Variants in ALDH1L1 observed in about 807,000 individuals in gnomAD.
The protein encoded by ALDH1L1 is aldehyde dehydrogenase 1 family member L1.
In ALDH1L1, 68 loss-of-function variants were observed where a neutral mutation model predicts 101.1. That is an observed-to-expected ratio of 0.67 (90% confidence interval 0.55 to 0.82). ALDH1L1 has a LOEUF of 0.82. ALDH1L1 is among the 40% of genes least tolerant of loss of function. The pLI, the probability that ALDH1L1 is intolerant of heterozygous loss-of-function variation, is 0.00. For missense variants in ALDH1L1, 1,087 were observed against 1,172.7 expected (o/e 0.93, Z 1.07); for synonymous variants, 486 against 470.8 (o/e 1.03, Z -0.42).
chr3:126,155,436 G>A lies in ALDH1L1; in HGVS notation c.596C>T (p.Thr199Ile), dbSNP rs781086978. The A allele has an allele frequency of 2.0e-5, 33 of 1,613,188 alleles. No homozygotes were observed. Among genetic ancestry groups the A allele is most frequent in the East Asian group, 1.6e-4 (7 of 44,848 alleles). ...CTCCTTCTTCTGAATCCCCTCATAG[G>A]TGGCTCCTTCCTCAGGCTGAGGGAG... ...PRLPQPEEGATYEGIQKKETA... is the reference protein window; with the variant it reads ...PRLPQPEEGAIYEGIQKKETA... The change falls in exon 5 of 23, where the codon ACC becomes ATC. Residue 199 changes from threonine to isoleucine, a missense_variant. Physicochemically the swap from Thr to Ile is moderately conservative, Grantham distance 89. Coordinates refer to ENST00000393434, the MANE Select transcript of ALDH1L1 (RefSeq NM_012190.4).
chr3:126,163,667 G>A (rs1428833151), intron 1 of ALDH1L1, among the ~76,000 whole-genome samples: 1 of 152,104 alleles, frequency 6.6e-6, no homozygotes, highest in Non-Finnish European at 1.5e-5. Flanking sequence ...TCTTCCTATA[G>A]GTCATGAGAT....
chr3:126,117,786 T>A (rs2080000559), intron 17 of ALDH1L1, among the ~76,000 whole-genome samples: 1 of 152,236 alleles, frequency 6.6e-6, no homozygotes. Flanking sequence ...TCCAGCCCCT[T>A]GCTGGTCTGA....
intron 22 of ALDH1L1, chr3:126,105,419 ACTC>A (rs1945830377): frequency 2.2e-5 from 9 of 404,616 alleles, no homozygotes; most frequent in South Asian, 2.0e-4. Flanking sequence ...TTCATGGCCA[ACTC>A]CTCCCTGCTA....
At chr3:126,147,810 A>G (rs563720728) in intron 8 of ALDH1L1, among the ~76,000 whole-genome samples, 162 of 152,232 alleles carry the variant, frequency 1.1e-3, no homozygotes, top group Non-Finnish European at 2.0e-3. Flanking sequence ...TTTCTTGGAA[A>G]AATGTCATGG....
chr3:126,115,826 C>T lies in ALDH1L1; in HGVS notation c.1983-1170G>A, dbSNP rs573877469. 1.1e-4 allele frequency among the ~76,000 whole-genome samples: 17 copies of T among 151,948 alleles called. No homozygotes were observed. In the South Asian group the frequency reaches 1.9e-3, roughly 17 times the overall value. On this transcript the variant is annotated intron_variant, in intron 17 of 22. Coordinates refer to ENST00000393434, the MANE Select transcript of ALDH1L1 (RefSeq NM_012190.4). ...CTGACCTCAGGTGATCTGCCCACCT[C>T]GGCCTCCCAAAATGCTGGGATTACA...
intron 4 of ALDH1L1, chr3:126,156,694 T>C (rs1464690060): frequency 3.3e-5 from 5 of 152,224 alleles, no homozygotes; most frequent in Non-Finnish European, 5.9e-5. Context: ...GCTCAGGCCA[T>C]GTGACCACAG....
intron 6 of ALDH1L1, 137 bp from the exon 7 acceptor site, chr3:126,153,718 A>G: frequency 8.8e-7 from 1 of 1,140,440 alleles, no homozygotes; most frequent in South Asian, 1.6e-5. Flanking sequence ...CTCAAAGCCC[A>G]TGTGACCCCT....
rs188547986 is a variant in ALDH1L1 at position 126,107,054 on chromosome 3, G to A, written c.2453+87C>T. ...GCCTGAGTTCTCCTCCTGACTGCCCGTAGACTACCTCCCAAAGCCCACATG... is the reference window on the plus strand; with the variant it reads ...GCCTGAGTTCTCCTCCTGACTGCCCATAGACTACCTCCCAAAGCCCACATG... On this transcript the variant is annotated intron_variant, in intron 21 of 22. Coordinates refer to ENST00000393434, the MANE Select transcript of ALDH1L1 (RefSeq NM_012190.4). 2.8e-5 allele frequency: 36 copies of A among 1,264,062 alleles called. No homozygotes were observed. The East Asian group carries it at 3.3e-4, about 11-fold the overall frequency. The allele number at this position is 1,264,062 out of a possible 1,614,324, so 78.3% of individuals were successfully genotyped here. A position where few individuals can be genotyped will look rare whatever the true frequency, so the allele number is the denominator to read the frequency against.
chr3:126,105,692 A>C, intron 22 of ALDH1L1, 34 bp downstream of exon 22: 1 of 1,612,564 alleles, frequency 6.2e-7, no homozygotes, highest in Non-Finnish European at 8.5e-7. Context: ...TGAATGAATA[A>C]ATGAAAGCAA....
At chr3:126,147,549 G>A (rs1455458079) in intron 8 of ALDH1L1, among the ~76,000 whole-genome samples, 1 of 152,212 alleles carries the variant, frequency 6.6e-6, no homozygotes, top group Non-Finnish European at 1.5e-5. Flanking sequence ...TCCCACTAAG[G>A]CACCCAGTAA....
chr3:126,171,791 G>T (rs1442899310), intron 1 of ALDH1L1, among the ~76,000 whole-genome samples: 1 of 152,106 alleles, frequency 6.6e-6, no homozygotes, highest in Non-Finnish European at 1.5e-5. Flanking sequence ...ACCTAAAAGG[G>T]GTAGGACTGA....
intron 19 of ALDH1L1, among the ~76,000 whole-genome samples, chr3:126,112,231 A>G (rs1012929795): frequency 2.6e-5 from 4 of 152,220 alleles, no homozygotes; most frequent in African/African-American, 7.2e-5. Flanking sequence ...CCCCGAGGCC[A>G]TGCAAGGTGG....
At chr3:126,155,585 C>CCCTT in intron 4 of ALDH1L1, 82 bp from the exon 5 acceptor site, 1 of 1,293,762 alleles carries the variant, frequency 7.7e-7, no homozygotes, top group Non-Finnish European at 1.1e-6. Flanking sequence ...TGAGCCTGGA[C>CCCTT]CCTTCCCCAG....
chr3:126,161,920 G>A (rs1192854308), intron 1 of ALDH1L1, among the ~76,000 whole-genome samples: 1 of 128,958 alleles, frequency 7.8e-6, no homozygotes, highest in Admixed American at 8.0e-5. Context: ...TAACAGCATC[G>A]AATGGTTTCG....
At chr3:126,137,582 G>A in intron 10 of ALDH1L1, among the ~76,000 whole-genome samples, 1 of 152,248 alleles carries the variant, frequency 6.6e-6, no homozygotes, top group East Asian at 1.9e-4. Context: ...GGGACTCAGA[G>A]TTTGGCCCAT....
At chr3:126,110,424 A>G in intron 19 of ALDH1L1, 1 of 368,088 alleles carries the variant, frequency 2.7e-6, no homozygotes, top group Non-Finnish European at 5.0e-6. Context: ...GCTCAATACA[A>G]CACGTATCTG....
At chr3:126,190,862 T>C (rs2081548866) in intron 1 of ALDH1L1, among the ~76,000 whole-genome samples, 1 of 151,764 alleles carries the variant, frequency 6.6e-6, no homozygotes, top group Non-Finnish European at 1.5e-5. Context: ...GTATATCTGC[T>C]ATCTAAAAAT....
intron 1 of ALDH1L1, 86 bp downstream of exon 1, chr3:126,180,390 T>TGGAGCCCCCGGAGCCCCC: frequency 1.1e-6 from 1 of 948,546 alleles, no homozygotes; most frequent in Non-Finnish European, 1.3e-6. Context: ...CTGGAGCCCC[T>TGGAGCCCCCGGAGCCCCC]GGAGCCCCCG....
intron 1 of ALDH1L1, among the ~76,000 whole-genome samples, chr3:126,187,635 G>T (rs1469419665): frequency 6.6e-6 from 1 of 152,160 alleles, no homozygotes; most frequent in East Asian, 1.9e-4. Flanking sequence ...AGGCACGGAG[G>T]AAAAGGAAAC....
Sources: allele counts gnomAD v4.1 joint callset (sites outside exome capture counted in the v4.1 genomes callset), GRCh38; gene constraint gnomAD v4.1.1; transcripts MANE v1.5; gene names NCBI Gene and HGNC (gene_info 2026-07-23, HGNC 2026-07-21).